NPAT: variants seen among roughly 807,000 people sequenced by gnomAD.
NPAT encodes protein NPAT.
In NPAT, 52 loss-of-function variants were observed where a neutral mutation model predicts 130.7. The ratio of observed to expected loss-of-function variants is 0.40; its 90% CI spans 0.32 to 0.50. NPAT has a LOEUF of 0.50. Among genes scored for constraint, NPAT ranks in the 20% least tolerant of loss-of-function variants. The probability of loss-of-function intolerance (pLI) is 0.68; values close to 1 mark genes in which losing one functional copy is unlikely to be tolerated. For synonymous variants in NPAT, 580 were observed against 584.8 expected (o/e 0.99, Z 0.12); for missense variants, 1,687 against 1,662.6 (o/e 1.01, Z -0.26).
chr11:108,221,067 G>C (rs1292067973), intron 1 of NPAT, among the ~76,000 whole-genome samples: 2 of 152,160 alleles, frequency 1.3e-5, no homozygotes, highest in Non-Finnish European at 2.9e-5. Flanking sequence ...ACATCGATGT[G>C]AATTATTTCA....
chr11:108,170,215 CTG>C lies in NPAT; in HGVS notation c.2786-174_2786-173del, dbSNP rs1185513805. ...ACAAAACAAAACAAAAAAAACGAAA[CTG>C]AAACAGTTTTAGGAAAAACAGCAAG... On this transcript the variant is annotated intron_variant, in intron 13 of 17. Coordinates refer to ENST00000278612, the MANE Select transcript of NPAT (RefSeq NM_002519.3). 1.3e-4 allele frequency: 80 copies of C among 592,996 alleles called. 1 individual carries two copies. Among genetic ancestry groups the C allele is most frequent in the Non-Finnish European group, 2.2e-4 (72 of 334,074 alleles). 36.7% of individuals were successfully genotyped at this position (592,996 alleles called of 1,614,324 possible).
intron 13 of NPAT, among the ~76,000 whole-genome samples, chr11:108,170,891 T>G (rs1166742931): frequency 6.6e-6 from 1 of 152,160 alleles, no homozygotes; most frequent in African/African-American, 2.4e-5. Context: ...CCCATTAGGT[T>G]TAATACTAAT....
chr11:108,208,199 GT>G (rs977559679), intron 1 of NPAT, among the ~76,000 whole-genome samples: 1 of 152,116 alleles, frequency 6.6e-6, no homozygotes, highest in Non-Finnish European at 1.5e-5. Flanking sequence ...AACAGTTTTG[GT>G]TTTGGAGCAT....
At chr11:108,186,604 C>CTATATT (rs1226708315) in intron 7 of NPAT, 35 bp from the exon 8 acceptor site, 4 of 1,495,742 alleles carry the variant, frequency 2.7e-6, no homozygotes, top group Non-Finnish European at 3.7e-6. Flanking sequence ...CTTTTAACCA[C>CTATATT]TATATTTAAC....
rs2077933485 is a variant in NPAT, at chr11:108,169,819, T to C, written c.2935A>G (p.Asn979Asp). 1 of 1,614,050 alleles carries C rather than the reference T, an allele frequency of 6.2e-7. No individual in the cohort carries two copies. The highest frequency in any genetic ancestry group is 8.5e-7 in the Non-Finnish European group (1 of 1,179,942). The change falls in exon 15 of 18, where the codon AAT becomes GAT. Residue 979 changes from asparagine (N) to aspartate (D), a missense_variant. Around this residue, in one of 3 missense-constraint regions of NPAT, gnomAD observed 1,379 missense variants for 1,346.6 expected, o/e 1.02. Coordinates refer to ENST00000278612, the MANE Select transcript of NPAT (RefSeq NM_002519.3). ...ACGGGGAATTGAGGGATACTTCTAT[T>C]GCATACAGGTGCTGTCAAAGGCATA... Reference protein sequence around the residue: ...LHMPLTAPVCNRSIPQFPVPP... With the variant: ...LHMPLTAPVCDRSIPQFPVPP...
intron 17 of NPAT, 57 bp from the exon 18 acceptor site, chr11:108,159,076 G>A (rs188181813): frequency 1.8e-6 from 2 of 1,094,360 alleles, no homozygotes; most frequent in East Asian, 4.8e-5. Flanking sequence ...TGCTTTCTTA[G>A]TAAGTCACCT....
chr11:108,164,483 G>C (rs1009615033), intron 15 of NPAT, among the ~76,000 whole-genome samples: 13 of 152,186 alleles, frequency 8.5e-5, no homozygotes, highest in Admixed American at 7.9e-4. Flanking sequence ...TGGGCTCTAG[G>C]CTGTTTAGTA....
At position 108,161,922 on chromosome 11, in the gene NPAT, G is replaced by C. The variant is rs760336221; in HGVS notation, c.3164C>G (p.Ala1055Gly). Residue 1055 changes from alanine to glycine, a missense_variant, in exon 17 of 18, where the codon GCT becomes GGT. Coordinates refer to ENST00000278612, the MANE Select transcript of NPAT (RefSeq NM_002519.3). ...VPFPEESIVPAAKPCHRRVLC... is the reference protein window; with the variant it reads ...VPFPEESIVPGAKPCHRRVLC... ...TACACGTCTGTGGCATGGTTTAGCA[G>C]CTGGAACTATACTCTCTTCTGGGAA... is the stretch of plus-strand genomic sequence containing the variant. The C allele has an allele frequency of 6.2e-6, 10 of 1,610,518 alleles. No individual in the cohort carries two copies. The highest frequency in any genetic ancestry group is 4.5e-5 in the East Asian group (2 of 44,862).
chr11:108,198,383 A>T (rs1381560824), intron 1 of NPAT, among the ~76,000 whole-genome samples: 1 of 152,218 alleles, frequency 6.6e-6, no homozygotes, highest in Non-Finnish European at 1.5e-5. Context: ...TTAAATAAGC[A>T]ATTTTAAATA....
rs1354326930 is a variant in NPAT, at chr11:108,161,140, A to G, written c.3946T>C (p.Cys1316Arg). The change falls in exon 17 of 18, where the codon TGC becomes CGC. Residue 1316 changes from cysteine (C) to arginine (R), a missense_variant. Transcript: ENST00000278612. The part of the protein sequence containing the change: ...VPPVTPDLPA[C>R]SPASETGSEN... ...CTTCCTGTTTCACTGGCAGGGCTGCAGGCAGGCAAGTCTGGGGTGACAGGA... is the reference window on the plus strand; with the variant it reads ...CTTCCTGTTTCACTGGCAGGGCTGCGGGCAGGCAAGTCTGGGGTGACAGGA... 1 of 1,614,198 alleles carries G rather than the reference A, an allele frequency of 6.2e-7. No homozygotes were observed. The highest frequency in any genetic ancestry group is 8.5e-7 in the Non-Finnish European group (1 of 1,180,034).
chr11:108,189,217 T>C lies in NPAT; in HGVS notation c.445A>G (p.Thr149Ala), dbSNP rs574860522. 1 of 1,613,856 alleles carries C rather than the reference T, an allele frequency of 6.2e-7. No homozygotes were observed. The highest frequency in any genetic ancestry group is 1.1e-5 in the South Asian group (1 of 91,072). The change falls in exon 6 of 18, where the codon ACT becomes GCT. Residue 149 changes from threonine (T) to alanine (A), a missense_variant. Around this residue, in one of 3 missense-constraint regions of NPAT, gnomAD observed 307 missense variants for 298.9 expected, o/e 1.03. Transcript: ENST00000278612. ...TLPYLSGQFT[T>A]PPSTGTQVTR... ...ACCTGTGTACCTGTGGAAGGAGGAG[T>C]GGTAAACTGTCCTGAAAGGTAAGGT... is the stretch of plus-strand genomic sequence containing the variant.
chr11:108,184,586 A>G (rs992312458), intron 10 of NPAT, among the ~76,000 whole-genome samples: 8 of 152,076 alleles, frequency 5.3e-5, no homozygotes, highest in African/African-American at 1.9e-4. Flanking sequence ...GCTGGAGAGC[A>G]GTGGTGCGAT....
intron 10 of NPAT, among the ~76,000 whole-genome samples, chr11:108,182,214 C>T (rs2078064801): frequency 6.6e-6 from 1 of 152,128 alleles, no homozygotes; most frequent in South Asian, 2.1e-4. Flanking sequence ...TGGCATCTTC[C>T]TTGGTATGGG....
At chr11:108,172,119 T>C (rs773435581) in intron 13 of NPAT, 80 bp downstream of exon 13, 1 of 1,195,966 alleles carries the variant, frequency 8.4e-7, no homozygotes, top group East Asian at 2.3e-5. Flanking sequence ...AGTTATTACT[T>C]CGCAGTCAAT....
chr11:108,166,390 C>T (rs915153582), intron 15 of NPAT, among the ~76,000 whole-genome samples: 13 of 151,434 alleles, frequency 8.6e-5, no homozygotes, highest in African/African-American at 3.2e-4. Flanking sequence ...AGACTCCCAT[C>T]TAAAAAAAAA....
At chr11:108,160,611 T>C (rs1038037759) in intron 17 of NPAT, among the ~76,000 whole-genome samples, 38 of 152,198 alleles carry the variant, frequency 2.5e-4, no homozygotes, top group African/African-American at 9.2e-4. Context: ...CCTCAGCAGT[T>C]TTTCCTGAAA....
At position 108,161,457 on chromosome 11, in the gene NPAT, T is replaced by G. The variant is rs766677149; in HGVS notation, c.3629A>C (p.Lys1210Thr). The G allele has an allele frequency of 6.8e-6, 11 of 1,614,100 alleles. No homozygotes were observed. ...SIASLQEMTK[K>T]QGTSSNNKNV... ...TTTATTGTTTGAAGATGTGCCTTGT[T>G]TTTTGGTCATTTCTTGCAGTGAAGC... Residue 1210 changes from lysine (K) to threonine (T), a missense_variant, in exon 17 of 18, where the codon AAA becomes ACA. Physicochemically the swap from Lys to Thr is moderately conservative, Grantham distance 78. This residue lies in a region of NPAT where 1,379 missense variants were observed against 1,346.6 expected (regional missense o/e 1.02). Transcript: ENST00000278612.
chr11:108,215,271 T>A (rs1234958793), intron 1 of NPAT, among the ~76,000 whole-genome samples: 3 of 151,860 alleles, frequency 2.0e-5, no homozygotes, highest in East Asian at 1.9e-4. Context: ...AGTGCTGGCA[T>A]AATAGTCAGT....
At chr11:108,162,770 T>G (rs962209144) in intron 15 of NPAT, among the ~76,000 whole-genome samples, 24 of 152,276 alleles carry the variant, frequency 1.6e-4, no homozygotes, top group Middle Eastern at 3.4e-3. Flanking sequence ...ATCTACAAAT[T>G]ACAATGCTCA....
Sources: allele counts gnomAD v4.1 joint callset (sites outside exome capture counted in the v4.1 genomes callset), GRCh38; gene constraint gnomAD v4.1.1; regional missense constraint gnomAD v4.1.1; transcripts MANE v1.5; gene names NCBI Gene and HGNC (gene_info 2026-07-23, HGNC 2026-07-21).